AUTS2: variants seen among roughly 807,000 people sequenced by gnomAD.
AUTS2 encodes the protein autism susceptibility gene 2 protein.
In AUTS2, 17 loss-of-function variants were observed where a neutral mutation model predicts 112.4. The ratio of observed to expected loss-of-function variants is 0.15; its 90% CI spans 0.10 to 0.23. The LOEUF is 0.23. AUTS2 is among the 10% of genes least tolerant of loss of function. AUTS2 has a pLI of 1.00. For missense variants in AUTS2, 1,510 were observed against 1,701.6 expected (o/e 0.89, Z 1.98); for synonymous variants, 751 against 702.7 (o/e 1.07, Z -1.09).
intron 2 of AUTS2, among the ~76,000 whole-genome samples, chr7:70,062,146 T>G (rs980604354): frequency 6.6e-6 from 1 of 152,140 alleles, no homozygotes; most frequent in Admixed American, 6.5e-5. Context: ...GAAAACATTT[T>G]TACTTTTCAT....
intron 1 of AUTS2, among the ~76,000 whole-genome samples, chr7:69,621,591 T>C (rs948640107): frequency 2.6e-5 from 4 of 152,218 alleles, no homozygotes; most frequent in African/African-American, 7.2e-5. Context: ...CACTGCACTG[T>C]ATGGCTTCCA....
At chr7:69,906,105 T>C (rs575739139) in intron 2 of AUTS2, among the ~76,000 whole-genome samples, 18 of 152,326 alleles carry the variant, frequency 1.2e-4, no homozygotes, top group Middle Eastern at 3.4e-3. Context: ...ATGTCAGTGA[T>C]TGAAGAATGA....
At chr7:69,662,346 G>A (rs2129144625) in intron 1 of AUTS2, among the ~76,000 whole-genome samples, 1 of 152,210 alleles carries the variant, frequency 6.6e-6, no homozygotes. Flanking sequence ...TGTGTTTTGA[G>A]TATTGCTGGT....
chr7:70,004,459 G>T (rs1799449059), intron 2 of AUTS2, among the ~76,000 whole-genome samples: 1 of 143,800 alleles, frequency 7.0e-6, no homozygotes, highest in Admixed American at 7.1e-5. Flanking sequence ...AAGCCATAGA[G>T]ATTCAGAACT....
rs4717539 is a variant in AUTS2, at chr7:70,638,425, C to T, written c.691-60144C>T. On this transcript the variant is annotated intron_variant, in intron 5 of 18. Transcript: ENST00000342771. ...GAGCAACTCTGCAGATGCCGCACAC[C>T]GTGGCAGAATGATTCAGGGGGCCAA... 8.7e-3 allele frequency among the ~76,000 whole-genome samples: 1,325 copies of T among 152,232 alleles called. 49 individuals are homozygous for T. Among genetic ancestry groups the T allele is most frequent in the Admixed American group, 0.063 (968 of 15,290 alleles).
chr7:70,512,358 C>A (rs1016423107), intron 5 of AUTS2, among the ~76,000 whole-genome samples: 6 of 152,274 alleles, frequency 3.9e-5, no homozygotes, highest in African/African-American at 1.4e-4. Context: ...GAGGTGAAGC[C>A]AGACCACTTG....
chr7:70,280,432 C>T (rs1440434046), intron 4 of AUTS2, among the ~76,000 whole-genome samples: 1 of 150,510 alleles, frequency 6.6e-6, no homozygotes, highest in Non-Finnish European at 1.5e-5. Flanking sequence ...TATAGGTGCC[C>T]GCCACCATGC....
intron 5 of AUTS2, among the ~76,000 whole-genome samples, chr7:70,599,092 G>T (rs1042392546): frequency 6.6e-6 from 1 of 152,120 alleles, no homozygotes; most frequent in African/African-American, 2.4e-5. Context: ...CCCTGCATAG[G>T]CTGTGTAGTG....
intron 5 of AUTS2, among the ~76,000 whole-genome samples, chr7:70,559,064 G>C (rs928465678): frequency 6.6e-6 from 1 of 152,138 alleles, no homozygotes; most frequent in South Asian, 2.1e-4. Flanking sequence ...TGCTGTTCTC[G>C]TGATAGTGAA....
intron 6 of AUTS2, among the ~76,000 whole-genome samples, chr7:70,741,478 G>A (rs2129554145): frequency 1.3e-5 from 2 of 152,178 alleles, no homozygotes; most frequent in South Asian, 4.2e-4. Context: ...GATCATCTGA[G>A]GTCAGGAGTT....
intron 4 of AUTS2, among the ~76,000 whole-genome samples, chr7:70,274,014 A>C (rs979721279): frequency 6.6e-6 from 1 of 152,138 alleles, no homozygotes; most frequent in Non-Finnish European, 1.5e-5. Context: ...ATAAATGAAT[A>C]ATAGTAGGGC....
At chr7:69,896,543 C>G (rs1794749494) in intron 1 of AUTS2, among the ~76,000 whole-genome samples, 1 of 151,838 alleles carries the variant, frequency 6.6e-6, no homozygotes, top group Non-Finnish European at 1.5e-5. Flanking sequence ...CACTAGATTC[C>G]TTGGTTTCCT....
At position 70,118,216 on chromosome 7, in the gene AUTS2, C is replaced by T. The variant is rs768770455; in HGVS notation, c.607C>T (p.Arg203Trp). ...ESKGFHRSSS[R>W]ERLSDSSAPS... ...CAAGGGCTTCCACCGGAGCAGCTCT[C>T]GGGAAAGGCTCAGTGATGTAAGTTT... The change falls in exon 3 of 19, where the codon CGG (arginine) becomes TGG (tryptophan). Residue 203 changes from arginine to tryptophan, a missense_variant. Physicochemically the swap from Arg to Trp is moderately radical, Grantham distance 101. Around this residue, in one of 3 missense-constraint regions of AUTS2, gnomAD observed 535 missense variants for 594.3 expected, o/e 0.90. Coordinates refer to ENST00000342771, the MANE Select transcript of AUTS2 (RefSeq NM_015570.4). 18 of 1,578,448 alleles carry T rather than the reference C, an allele frequency of 1.1e-5. No homozygotes were observed. The highest frequency in any genetic ancestry group is 4.6e-5 in the East Asian group (2 of 43,664).
intron 2 of AUTS2, among the ~76,000 whole-genome samples, chr7:70,014,717 A>G (rs965444449): frequency 8.5e-5 from 13 of 152,224 alleles, no homozygotes; most frequent in Non-Finnish European, 4.4e-5. Context: ...CAAATGACAC[A>G]TGCCTGTAGG....
chr7:70,591,037 A>G (rs1467295020), intron 5 of AUTS2, among the ~76,000 whole-genome samples: 1 of 152,188 alleles, frequency 6.6e-6, no homozygotes, highest in Non-Finnish European at 1.5e-5. Context: ...GATTGGCAAC[A>G]TGGGTGGCAA....
intron 1 of AUTS2, among the ~76,000 whole-genome samples, chr7:69,678,736 A>AACGAGAAAG (rs1298277657): frequency 6.6e-6 from 1 of 152,244 alleles, no homozygotes; most frequent in Admixed American, 6.5e-5. Flanking sequence ...TAGCACACAA[A>AACGAGAAAG]ACGAGAAAGA....
Position 70,539,521 on chromosome 7 carries a change from A to G in AUTS2, c.690+103740A>G, listed in dbSNP as rs150038630. On this transcript the variant is annotated intron_variant, in intron 5 of 18. Coordinates refer to ENST00000342771, the MANE Select transcript of AUTS2 (RefSeq NM_015570.4). Reference sequence around the variant, plus strand: ...TACCAAACTTGTTTCCAAACTAAATAGTTTCCAATGAGGATTTAATGGGAG... The same window carrying G: ...TACCAAACTTGTTTCCAAACTAAATGGTTTCCAATGAGGATTTAATGGGAG... Among the ~76,000 whole-genome samples the G allele has an allele frequency of 2.4e-3, 370 of 152,324 alleles. 1 individual carries two copies. The highest frequency in any genetic ancestry group is 8.5e-3 in the African/African-American group (353 of 41,580).
chr7:70,733,412 A>G (rs577283995), intron 6 of AUTS2, among the ~76,000 whole-genome samples: 3 of 152,298 alleles, frequency 2.0e-5, no homozygotes, highest in Admixed American at 6.5e-5. Flanking sequence ...GAAGATGCCA[A>G]TTGTCTAGAT....
chr7:70,018,868 C>G (rs1466473042), intron 2 of AUTS2, among the ~76,000 whole-genome samples: 2 of 152,056 alleles, frequency 1.3e-5, no homozygotes, highest in Non-Finnish European at 2.9e-5. Context: ...TTTCAAAGAC[C>G]TAAAAACAGA....
Sources: allele counts gnomAD v4.1 joint callset (sites outside exome capture counted in the v4.1 genomes callset), GRCh38; gene constraint gnomAD v4.1.1; regional missense constraint gnomAD v4.1.1; transcripts MANE v1.5; gene names NCBI Gene and HGNC (gene_info 2026-07-23, HGNC 2026-07-21).